Variants in ZNF248 observed in about 807,000 individuals in gnomAD.
The protein encoded by ZNF248 is zinc finger protein 248.
In ZNF248, 20 loss-of-function variants were observed where a neutral mutation model predicts 44.3. That is an observed-to-expected ratio of 0.45 (90% CI 0.32 to 0.66). The LOEUF is 0.66. Among genes scored for constraint, ZNF248 ranks in the 30% least tolerant of loss-of-function variants. ZNF248 has a pLI of 0.04. For synonymous variants in ZNF248, 224 were observed against 229.0 expected (o/e 0.98, Z 0.20); for missense variants, 654 against 677.0 (o/e 0.97, Z 0.38).
rs1481292674 is a variant in ZNF248 at position 37,830,604 on chromosome 10, A to G, written c.*1011T>C. The G allele has an allele frequency of 5.6e-5, 55 of 985,142 alleles. No individual in the cohort carries two copies. The highest frequency in any genetic ancestry group is 6.6e-5 in the Non-Finnish European group (55 of 829,822). The allele number at this position is 985,142 out of a possible 1,614,324, so 61.0% of individuals were successfully genotyped here. ...TTTGTATTGCCAAATACGTTTTCATATATACACAGTGATGTGCTGTAAATA... is the reference window on the plus strand; with the variant it reads ...TTTGTATTGCCAAATACGTTTTCATGTATACACAGTGATGTGCTGTAAATA... On this transcript the variant is annotated 3_prime_UTR_variant, in exon 6 of 6. Transcript: ENST00000395867.
chr10:37,764,144 C>A, the ZNF248 span, among the ~76,000 whole-genome samples: 2 of 152,164 alleles, frequency 1.3e-5, no homozygotes, highest in Non-Finnish European at 2.9e-5. Context: ...TCACTGAATT[C>A]TTTTTCTCAG....
At chr10:37,824,673 A>ATTTTTTTTT (rs755411927), downstream of ZNF248, among the ~76,000 whole-genome samples, 8,272 of 79,350 alleles carry the variant, frequency 0.1, 2,003 homozygotes, top group Non-Finnish European at 0.12. Context: ...ATTATTTTAA[A>ATTTTTTTTT]TTTTTTTTTT....
At chr10:37,819,707 T>G (rs1285472430) in intron 6 of ZNF248, 2 of 784,756 alleles carry the variant, frequency 2.5e-6, no homozygotes, top group Non-Finnish European at 4.7e-6. Context: ...GATTTCTTCT[T>G]GTTCATGGTA....
intron 6 of ZNF248, chr10:37,820,479 G>C (rs1298044008): frequency 6.3e-7 from 1 of 1,597,108 alleles, no homozygotes; most frequent in African/African-American, 1.3e-5. Flanking sequence ...TGTTCTACTT[G>C]TCACAGTAAG....
At chr10:37,819,690 GTTTGAAGATTTC>G (rs1213294895) in intron 6 of ZNF248, 1 of 788,756 alleles carries the variant, frequency 1.3e-6, no homozygotes, top group Non-Finnish European at 2.3e-6. Flanking sequence ...CCTAACCGGA[GTTTGAAGATTTC>G]TTCTTGTTCA....
Position 37,837,708 on chromosome 10 carries a change from A to G in ZNF248, c.147T>C (p.Tyr49=), listed in dbSNP as rs1589731455. 1 of 1,613,816 alleles carries G rather than the reference A, an allele frequency of 6.2e-7. No individual in the cohort carries two copies. Among genetic ancestry groups the G allele is most frequent in the African/African-American group, 1.3e-5 (1 of 75,020 alleles). The change falls in exon 5 of 6, where the codon TAT becomes TAC. Residue 49 remains tyrosine, a synonymous_variant. Coordinates refer to ENST00000395867, the MANE Select transcript of ZNF248 (RefSeq NM_021045.3). ...ENYSNLVSVG[Y]CITKPEVIFK... ...AGATCACTTCTGGTTTAGTAATGCAATACCCTGTTAAGAGAAAATACCACA... is the reference window on the plus strand; with the variant it reads ...AGATCACTTCTGGTTTAGTAATGCAGTACCCTGTTAAGAGAAAATACCACA...
rs149252478 is a variant in ZNF248 at position 37,833,094 on chromosome 10, G to A, written c.261C>T (p.Asp87=). Reference sequence around the variant, plus strand: ...CATTTTCCTGGCTGCTCTCTAACACGTCATCAACTTTCCATTTCCTTTCTA... The same window carrying A: ...CATTTTCCTGGCTGCTCTCTAACACATCATCAACTTTCCATTTCCTTTCTA... ...CHPERKWKVD[D]VLESSQENED... is the part of the protein sequence containing the mutation. The change falls in exon 6 of 6, where the codon GAC becomes GAT. Residue 87 remains aspartate (D), a synonymous_variant. Coordinates refer to ENST00000395867, the MANE Select transcript of ZNF248 (RefSeq NM_021045.3). 910 of 1,591,782 alleles carry A rather than the reference G, an allele frequency of 5.7e-4. 5 individuals carry two copies. In the African/African-American group the frequency reaches 0.011, roughly 19 times the overall value.
chr10:37,857,398 G>A lies in ZNF248; in HGVS notation c.-339C>T, dbSNP rs1182847121. ...CACTCCACGGGCAGAGAGGCCCTTG[G>A]GGCCGGTGCAGGAGCCGTCTCCCTC... On this transcript the variant is annotated 5_prime_UTR_variant, in exon 1 of 6. Transcript: ENST00000395867. 6.6e-6 allele frequency: 1 copy of A among 152,274 alleles called. No homozygotes were observed. The highest frequency in any genetic ancestry group is 1.9e-4 in the East Asian group (1 of 5,188). The allele number at this position is 152,274 out of a possible 1,614,324, so 9.4% of individuals were successfully genotyped here.
chr10:37,847,592 G>A (rs1038141814), intron 3 of ZNF248, among the ~76,000 whole-genome samples: 1 of 152,146 alleles, frequency 6.6e-6, no homozygotes, highest in African/African-American at 2.4e-5. Flanking sequence ...ATACAGAGGA[G>A]AGATAAAGCA....
chr10:37,802,267 TG>T (rs2049929942), intron 6 of ZNF248, among the ~76,000 whole-genome samples: 1 of 152,200 alleles, frequency 6.6e-6, no homozygotes, highest in South Asian at 2.1e-4. Context: ...AAGGTAAAGC[TG>T]GGGAAGAAGG....
intron 6 of ZNF248, among the ~76,000 whole-genome samples, chr10:37,792,461 G>T (rs539943353): frequency 6.6e-6 from 1 of 152,316 alleles, no homozygotes; most frequent in South Asian, 2.1e-4. Context: ...ACTCCAAGGG[G>T]TGAAGCTTAA....
At chr10:37,762,718 C>T in the ZNF248 span, among the ~76,000 whole-genome samples, 3 of 152,184 alleles carry the variant, frequency 2.0e-5, no homozygotes, top group Admixed American at 6.5e-5. Flanking sequence ...AGGTATGCTA[C>T]ATACAAATAG....
chr10:37,850,421 A>T (rs1037476011), intron 3 of ZNF248, among the ~76,000 whole-genome samples: 4 of 152,252 alleles, frequency 2.6e-5, no homozygotes, highest in African/African-American at 9.6e-5. Flanking sequence ...CCCAACAAGG[A>T]TTTTTATAAG....
intron 6 of ZNF248, among the ~76,000 whole-genome samples, chr10:37,810,581 T>C (rs1440165647): frequency 6.6e-6 from 1 of 152,128 alleles, no homozygotes; most frequent in East Asian, 1.9e-4. Context: ...ATGTGACAAT[T>C]TGAAAAAAAC....
chr10:37,774,655 G>C (rs1296393656), downstream of ZNF248, among the ~76,000 whole-genome samples: 1 of 152,164 alleles, frequency 6.6e-6, no homozygotes, highest in Non-Finnish European at 1.5e-5. Context: ...GGCAATCACA[G>C]GCAGCATGCA....
At position 37,831,265 on chromosome 10, in the gene ZNF248, A is replaced by G. The variant is rs1325614807; in HGVS notation, c.*350T>C. The G allele has an allele frequency of 4.5e-6, 7 of 1,549,548 alleles. No individual in the cohort carries two copies. The South Asian group carries it at 5.9e-5, about 13-fold the overall frequency. ...TACAAACATCGGGGACTCTTCACAT[A>G]TATGTTTAATGCTGCTGTCATTCAA... On this transcript the variant is annotated 3_prime_UTR_variant, in exon 6 of 6. Transcript: ENST00000395867.
intron 6 of ZNF248, among the ~76,000 whole-genome samples, chr10:37,778,811 A>T (rs1243766000): frequency 6.6e-6 from 1 of 152,234 alleles, no homozygotes; most frequent in Non-Finnish European, 1.5e-5. Flanking sequence ...AATAGAAGCA[A>T]TAAAAAATGA....
chr10:37,822,028 C>G (rs1306219422), intron 6 of ZNF248, among the ~76,000 whole-genome samples: 1 of 152,196 alleles, frequency 6.6e-6, no homozygotes, highest in Admixed American at 6.5e-5. Context: ...ATAAGCCCCC[C>G]ATAAGGGGCT....
chr10:37,787,843 T>G (rs1017325473), intron 6 of ZNF248, among the ~76,000 whole-genome samples: 1 of 152,090 alleles, frequency 6.6e-6, no homozygotes, highest in Non-Finnish European at 1.5e-5. Flanking sequence ...AAAAGTAAAC[T>G]AGATTTCATT....
Sources: allele counts gnomAD v4.1 joint callset (sites outside exome capture counted in the v4.1 genomes callset), GRCh38; gene constraint gnomAD v4.1.1; transcripts MANE v1.5; gene names NCBI Gene and HGNC (gene_info 2026-07-23, HGNC 2026-07-21).